Variants in SULT1E1 observed in about 807,000 individuals in gnomAD.
The protein encoded by SULT1E1 is sulfotransferase 1E1.
Under a neutral mutation model 33.6 loss-of-function variants are expected in SULT1E1, and 36 were observed. The ratio of observed to expected loss-of-function variants is 1.07; its 90% CI spans 0.82 to 1.41. SULT1E1 has a LOEUF of 1.41. Among genes scored for constraint, SULT1E1 ranks in the 40% most tolerant of loss-of-function variants. The pLI, the probability that SULT1E1 is intolerant of heterozygous loss-of-function variation, is 0.00. For synonymous variants in SULT1E1, 121 were observed against 111.7 expected (o/e 1.08, Z -0.53); for missense variants, 371 against 345.7 (o/e 1.07, Z -0.58).
chr4:69,841,316 A>C lies in SULT1E1; in HGVS notation c.*678T>G, dbSNP rs976222772. ...ATAGTTGTGCATGATATTTATAAAA[A>C]ATAGAAAAGAAGAAGAGGAAGCAAA... On this transcript the variant is annotated 3_prime_UTR_variant, in exon 8 of 8. Transcript: ENST00000226444. 1 of 152,202 alleles carries C rather than the reference A, an allele frequency of 6.6e-6. No individual in the cohort carries two copies. The highest frequency in any genetic ancestry group is 2.4e-5 in the African/African-American group (1 of 41,460). The allele number at this position is 152,202 out of a possible 1,614,324, so 9.4% of individuals were successfully genotyped here.
At position 69,849,548 on chromosome 4, in the gene SULT1E1, G is replaced by C; in HGVS notation, c.385C>G (p.Arg129Gly). ...GAAACAGCCACATCCTTTGCATTCC[G>C]GCAAAGATAGATTATCTAAGAGGAT... ...EKDCKIIYLC[R>G]NAKDVAVSFY... Residue 129 changes from arginine (R) to glycine (G), a missense_variant, in exon 5 of 8, where the codon CGG (arginine) becomes GGG (glycine). Arg to Gly is a moderately radical substitution (Grantham distance 125, BLOSUM62 -2). Coordinates refer to ENST00000226444, the MANE Select transcript of SULT1E1 (RefSeq NM_005420.3). The C allele has an allele frequency of 6.2e-7, 1 of 1,604,256 alleles. No individual in the cohort carries two copies. The highest frequency in any genetic ancestry group is 1.1e-5 in the South Asian group (1 of 89,474).
chr4:69,832,695 G>A, the SULT1E1 span, among the ~76,000 whole-genome samples: 46 of 152,234 alleles, frequency 3.0e-4, no homozygotes, highest in African/African-American at 9.4e-4. Flanking sequence ...CCACCATGGC[G>A]TCCAGCTGGC....
At chr4:69,848,577 C>T (rs1235850375) in intron 5 of SULT1E1, among the ~76,000 whole-genome samples, 1 of 151,836 alleles carries the variant, frequency 6.6e-6, no homozygotes, top group Non-Finnish European at 1.5e-5. Context: ...TCTCCCTTTG[C>T]AGTGATGCAA....
At chr4:69,829,277 G>C in the SULT1E1 span, among the ~76,000 whole-genome samples, 1 of 152,106 alleles carries the variant, frequency 6.6e-6, no homozygotes, top group Non-Finnish European at 1.5e-5. Context: ...ACAGTGACTG[G>C]CATTTGACTA....
Position 69,847,790 on chromosome 4 carries a change from G to A in SULT1E1, c.499C>T (p.Pro167Ser). The change falls in exon 6 of 8, where the codon CCT (proline) becomes TCT (serine). Residue 167 changes from proline to serine, a missense_variant and splice_region_variant. Coordinates refer to ENST00000226444, the MANE Select transcript of SULT1E1 (RefSeq NM_005420.3). ...FVEKFMQGQV[P>S]YGSWYKHVKS... ...ACATGTTTATACCAGGAACCATAAG[G>A]AACTAAAATTAGAGAGAAAAACAGT... 1 of 1,601,592 alleles carries A rather than the reference G, an allele frequency of 6.2e-7. No individual in the cohort carries two copies. Among genetic ancestry groups the A allele is most frequent in the Non-Finnish European group, 8.5e-7 (1 of 1,171,194 alleles).
At chr4:69,827,940 C>T in the SULT1E1 span, among the ~76,000 whole-genome samples, 1 of 152,158 alleles carries the variant, frequency 6.6e-6, no homozygotes, top group Non-Finnish European at 1.5e-5. Context: ...CTATGCCAAC[C>T]CCTCATTCAT....
chr4:69,829,200 G>A, the SULT1E1 span, among the ~76,000 whole-genome samples: 4,134 of 152,256 alleles, frequency 0.027, 175 homozygotes, highest in African/African-American at 0.094. Context: ...TTGGTTTACC[G>A]CATGCAAATC....
At chr4:69,827,698 C>A in the SULT1E1 span, among the ~76,000 whole-genome samples, 10 of 152,102 alleles carry the variant, frequency 6.6e-5, no homozygotes, top group Non-Finnish European at 1.0e-4. Flanking sequence ...AACCTGGCAA[C>A]CTCGGTGTTC....
In SULT1E1 at chr4:69,855,405, A is replaced by G. The variant is rs151059452; in HGVS notation, c.167T>C (p.Ile56Thr). 3 of 1,611,530 alleles carry G rather than the reference A, an allele frequency of 1.9e-6. No homozygotes were observed. The highest frequency in any genetic ancestry group is 1.3e-5 in the African/African-American group (1 of 74,818). ...ACCCTCTTTATAGATCATATACACA[A>G]TTTCACTAACCCAGGTTGTACCTGT... is the stretch of plus-strand genomic sequence containing the variant. ...PKSGTTWVSE[I>T]VYMIYKEGDV... Residue 56 changes from isoleucine (I) to threonine (T), a missense_variant, in exon 3 of 8, where the codon ATT becomes ACT. Physicochemically the swap from Ile to Thr is moderately conservative, Grantham distance 89. Coordinates refer to ENST00000226444, the MANE Select transcript of SULT1E1 (RefSeq NM_005420.3).
At chr4:69,841,127 ATTCT>A (rs1400986854), downstream of SULT1E1, 1 of 152,178 alleles carries the variant, frequency 6.6e-6, no homozygotes, top group Non-Finnish European at 1.5e-5. Context: ...ATATTATTTC[ATTCT>A]TTCTTCCAGA....
chr4:69,821,690 A>T, the SULT1E1 span, among the ~76,000 whole-genome samples: 49 of 152,284 alleles, frequency 3.2e-4, no homozygotes, highest in Non-Finnish European at 3.5e-4. Context: ...TAGCATGGGA[A>T]CCTCAGGCTA....
In SULT1E1 at chr4:69,844,076, A is replaced by G. The variant is rs11573791; in HGVS notation, c.772+85T>C. On this transcript the variant is annotated intron_variant, in intron 7 of 7. Coordinates refer to ENST00000226444, the MANE Select transcript of SULT1E1 (RefSeq NM_005420.3). Reference sequence around the variant, plus strand: ...GAAAACTTAAGCTGGGTTCATAGGCATTAAAATACCTCACTAGATTTTTGC... The same window carrying G: ...GAAAACTTAAGCTGGGTTCATAGGCGTTAAAATACCTCACTAGATTTTTGC... 2,278 of 1,301,792 alleles carry G rather than the reference A, an allele frequency of 1.7e-3. 34 individuals are homozygous for G. The African/African-American group carries it at 0.03, about 17-fold the overall frequency. 80.6% of individuals were successfully genotyped at this position (1,301,792 alleles called of 1,614,324 possible).
At chr4:69,844,585 T>G (rs1447564041) in intron 6 of SULT1E1, among the ~76,000 whole-genome samples, 1 of 152,170 alleles carries the variant, frequency 6.6e-6, no homozygotes, top group African/African-American at 2.4e-5. Flanking sequence ...TTGTGAATGC[T>G]TATTGTAGTC....
At chr4:69,844,368 T>C (rs1720935330) in intron 6 of SULT1E1, 27 bp from the exon 7 acceptor site, 1 of 1,550,932 alleles carries the variant, frequency 6.4e-7, no homozygotes. Flanking sequence ...TTTTGAGAAC[T>C]AAATTGCTAA....
chr4:69,849,584 A>G (rs1721059342), intron 4 of SULT1E1, 21 bp from the exon 5 acceptor site: 1 of 1,553,182 alleles, frequency 6.4e-7, no homozygotes, highest in Non-Finnish European at 8.7e-7. Flanking sequence ...GAAATTGTAT[A>G]TTAAACCACT....
At position 69,847,700 on chromosome 4, in the gene SULT1E1, C is replaced by T; in HGVS notation, c.589G>A (p.Glu197Lys). The T allele has an allele frequency of 6.3e-7, 1 of 1,598,596 alleles. No homozygotes were observed. The highest frequency in any genetic ancestry group is 8.5e-7 in the Non-Finnish European group (1 of 1,171,092). Residue 197 changes from glutamate to lysine, a missense_variant and splice_region_variant, in exon 6 of 8, where the codon GAG becomes AAG. By Grantham distance (56) the Glu-to-Lys change is moderately conservative. Coordinates refer to ENST00000226444, the MANE Select transcript of SULT1E1 (RefSeq NM_005420.3). ...VLFLFYEDLK[E>K]DIRKEVIKLI... ...CTTATGTGTTCCCAGTTCCTCACCT[C>T]TTTCAGGTCTTCGTAGAAAAGAAAT...
intron 7 of SULT1E1, among the ~76,000 whole-genome samples, chr4:69,843,204 TGAA>T (rs1051904228): frequency 1.3e-5 from 2 of 151,972 alleles, no homozygotes; most frequent in African/African-American, 4.8e-5. Context: ...ACTTTCCCAC[TGAA>T]ATAACCCAAA....
chr4:69,826,768 C>T, the SULT1E1 span, among the ~76,000 whole-genome samples: 1 of 152,266 alleles, frequency 6.6e-6, no homozygotes, highest in East Asian at 1.9e-4. Flanking sequence ...TTGACCTTTT[C>T]TGTAAGAGGG....
intron 6 of SULT1E1, 135 bp from the exon 7 acceptor site, chr4:69,844,476 G>T: frequency 1.5e-6 from 1 of 674,190 alleles, no homozygotes; most frequent in Admixed American, 3.6e-5. Flanking sequence ...AAATCTAATT[G>T]GGGGAATTTT....
Sources: allele counts gnomAD v4.1 joint callset (sites outside exome capture counted in the v4.1 genomes callset), GRCh38; gene constraint gnomAD v4.1.1; transcripts MANE v1.5; gene names NCBI Gene and HGNC (gene_info 2026-07-23, HGNC 2026-07-21).